Variants in TAFA1 observed in about 807,000 individuals in gnomAD.
TAFA1 encodes chemokine-like protein TAFA-1.
A neutral mutation model predicts 18.5 loss-of-function variants in TAFA1; 4 were observed. That is an observed-to-expected ratio of 0.22 (90% confidence interval 0.11 to 0.49). The LOEUF (loss-of-function observed/expected upper bound fraction) is 0.49, where lower values mean the gene tolerates loss of function less well. Among genes scored for constraint, TAFA1 ranks in the 20% least tolerant of loss-of-function variants. The pLI is 0.98. For synonymous variants in TAFA1, 56 were observed against 55.2 expected (o/e 1.01, Z -0.06); for missense variants, 147 against 169.0 (o/e 0.87, Z 0.72).
intron 3 of TAFA1, among the ~76,000 whole-genome samples, chr3:68,424,405 G>T (rs1002568850): frequency 3.3e-5 from 5 of 151,970 alleles, no homozygotes; most frequent in African/African-American, 1.2e-4. Context: ...CCATAAAATG[G>T]CTTGATTCAT....
intron 2 of TAFA1, among the ~76,000 whole-genome samples, chr3:68,330,588 A>G (rs1299523274): frequency 1.3e-5 from 2 of 152,230 alleles, no homozygotes; most frequent in East Asian, 3.8e-4. Flanking sequence ...CAACCCTGGG[A>G]TGCAAGGTAT....
At chr3:68,253,731 C>G (rs2067240518) in intron 2 of TAFA1, among the ~76,000 whole-genome samples, 1 of 152,126 alleles carries the variant, frequency 6.6e-6, no homozygotes, top group Non-Finnish European at 1.5e-5. Context: ...TTTATCATGA[C>G]ATTTTTCTTG....
intron 2 of TAFA1, among the ~76,000 whole-genome samples, chr3:68,333,403 C>T (rs1431883097): frequency 6.6e-6 from 1 of 152,148 alleles, no homozygotes; most frequent in Non-Finnish European, 1.5e-5. Flanking sequence ...CCAAATATTA[C>T]ATGTTCTCAT....
intron 2 of TAFA1, among the ~76,000 whole-genome samples, chr3:68,260,666 G>A (rs1164518078): frequency 6.6e-6 from 1 of 152,080 alleles, no homozygotes. Flanking sequence ...ACAAGAAATA[G>A]GGAAAGGATT....
chr3:68,144,193 A>G (rs2065707846), intron 2 of TAFA1, among the ~76,000 whole-genome samples: 1 of 152,150 alleles, frequency 6.6e-6, no homozygotes, highest in African/African-American at 2.4e-5. Context: ...GGCATTTTCT[A>G]AATTTTGTTA....
intron 2 of TAFA1, among the ~76,000 whole-genome samples, chr3:68,150,982 A>C (rs1199627746): frequency 6.6e-6 from 1 of 151,804 alleles, no homozygotes; most frequent in Non-Finnish European, 1.5e-5. Flanking sequence ...CAATTTATAC[A>C]CTAGAAACTA....
At chr3:68,307,267 C>T (rs560458447) in intron 2 of TAFA1, among the ~76,000 whole-genome samples, 18 of 152,122 alleles carry the variant, frequency 1.2e-4, no homozygotes, top group African/African-American at 3.4e-4. Flanking sequence ...CCTCATTTTT[C>T]GAAAGTTGGA....
intron 3 of TAFA1, among the ~76,000 whole-genome samples, chr3:68,468,855 C>T (rs1004905774): frequency 3.3e-5 from 5 of 152,150 alleles, no homozygotes; most frequent in African/African-American, 9.7e-5. Flanking sequence ...CTAAGAAAGA[C>T]GTATGTTTGC....
At chr3:68,262,841 G>A (rs2067463108) in intron 2 of TAFA1, among the ~76,000 whole-genome samples, 2 of 152,092 alleles carry the variant, frequency 1.3e-5, no homozygotes, top group African/African-American at 4.8e-5. Context: ...GAACACTTTT[G>A]GGACTGTGGT....
At chr3:68,255,561 A>T (rs2067281112) in intron 2 of TAFA1, among the ~76,000 whole-genome samples, 1 of 152,250 alleles carries the variant, frequency 6.6e-6, no homozygotes, top group South Asian at 2.1e-4. Context: ...ATTTGGAGCT[A>T]AATGTTGTCT....
intron 2 of TAFA1, among the ~76,000 whole-genome samples, chr3:68,308,203 T>C (rs79066806): frequency 1.3e-5 from 2 of 152,152 alleles, no homozygotes; most frequent in Non-Finnish European, 2.9e-5. Flanking sequence ...CTGAAGGTAA[T>C]TGTCTTATAT....
intron 2 of TAFA1, among the ~76,000 whole-genome samples, chr3:68,068,831 G>A (rs973921673): frequency 6.6e-6 from 1 of 152,124 alleles, no homozygotes; most frequent in African/African-American, 2.4e-5. Context: ...AACAACAGGG[G>A]CTAACATTTT....
chr3:68,141,071 T>C (rs1291921393), intron 2 of TAFA1, among the ~76,000 whole-genome samples: 1 of 152,162 alleles, frequency 6.6e-6, no homozygotes. Flanking sequence ...TCAGACTGAA[T>C]TTATACTTAA....
At chr3:68,313,991 C>T (rs941637584) in intron 2 of TAFA1, among the ~76,000 whole-genome samples, 2 of 151,740 alleles carry the variant, frequency 1.3e-5, no homozygotes, top group Admixed American at 6.6e-5. Flanking sequence ...CCTTTTTTTT[C>T]AACATTAATC....
intron 2 of TAFA1, among the ~76,000 whole-genome samples, chr3:68,403,250 T>C (rs2070532588): frequency 6.6e-6 from 1 of 152,326 alleles, no homozygotes; most frequent in Middle Eastern, 3.4e-3. Flanking sequence ...ACATATTCAT[T>C]AGAAGTTACC....
chr3:68,313,110 C>T (rs76032291), intron 2 of TAFA1, among the ~76,000 whole-genome samples: 3,949 of 152,248 alleles, frequency 0.026, 89 homozygotes, highest in East Asian at 0.097. Context: ...TCATTTCCCA[C>T]ATGGTCCTCC....
At chr3:68,269,830 C>A (rs949562948) in intron 2 of TAFA1, among the ~76,000 whole-genome samples, 1 of 152,120 alleles carries the variant, frequency 6.6e-6, no homozygotes, top group Non-Finnish European at 1.5e-5. Flanking sequence ...AGCAACCAAC[C>A]AATTTGAAGG....
intron 2 of TAFA1, among the ~76,000 whole-genome samples, chr3:68,287,061 A>G (rs1410055097): frequency 2.6e-5 from 4 of 152,216 alleles, no homozygotes; most frequent in Admixed American, 2.6e-4. Context: ...CAGGCCTAGA[A>G]TTAAAAGTGA....
At chr3:68,463,841 A>G (rs980415963) in intron 3 of TAFA1, among the ~76,000 whole-genome samples, 2 of 152,136 alleles carry the variant, frequency 1.3e-5, no homozygotes, top group African/African-American at 2.4e-5. Flanking sequence ...TTTACAGGCA[A>G]TTACATAGCC....
Sources: gnomAD v4.1 joint callset for allele counts (sites outside exome capture counted in the v4.1 genomes callset) on GRCh38, gnomAD v4.1.1 for gene constraint, MANE v1.5 for transcripts, NCBI Gene and HGNC (gene_info 2026-07-23, HGNC 2026-07-21) for gene names.